The following CEBPZ variants were observed in gnomAD, a reference collection of about 807,000 sequenced individuals.
CEBPZ encodes CCAAT enhancer binding protein zeta, also known as CCAAT/enhancer-binding protein zeta.
A neutral mutation model predicts 104.5 loss-of-function variants in CEBPZ; 78 were observed. That is an observed-to-expected ratio of 0.75 (90% confidence interval 0.62 to 0.90). CEBPZ has a LOEUF of 0.90. Ranked by LOEUF, CEBPZ falls within the 40% of genes least tolerant of loss-of-function variation. CEBPZ has a pLI of 0.00. For missense variants in CEBPZ, 1,439 were observed against 1,233.5 expected, an observed-to-expected ratio of 1.17 and a Z score of -2.50; for synonymous variants, 470 against 427.0, an observed-to-expected ratio of 1.10 and a Z score of -1.24.
At chr2:37,218,128 G>A (rs554720447) in intron 5 of CEBPZ, among the ~76,000 whole-genome samples, 17 of 151,654 alleles carry the variant, frequency 1.1e-4, no homozygotes, top group East Asian at 3.9e-4. Flanking sequence ...TTAGCCAGGC[G>A]TGGCGGTGTG....
At position 37,228,322 on chromosome 2, in the gene CEBPZ, C is replaced by G. The variant is rs748237246; in HGVS notation, c.871G>C (p.Glu291Gln). 10 of 1,614,074 alleles carry G rather than the reference C, an allele frequency of 6.2e-6. No individual in the cohort carries two copies. The Admixed American group carries it at 1.0e-4, about 16-fold the overall frequency. ...GGCAAAAGGTCTGTGATAAGCAACT[C>G]TTTGAAAGTATCCAAGGCCATAAGG... ...QCLMALDTFKELLITDLLPDN... is the reference protein window; with the variant it reads ...QCLMALDTFKQLLITDLLPDN... The change falls in exon 2 of 16, where the codon GAG becomes CAG. Residue 291 changes from glutamate to glutamine, a missense_variant. Physicochemically the swap from Glu to Gln is conservative, Grantham distance 29. Transcript: ENST00000234170.
chr2:37,226,920 A>C (rs989571660), intron 2 of CEBPZ, among the ~76,000 whole-genome samples: 2 of 152,046 alleles, frequency 1.3e-5, no homozygotes, highest in African/African-American at 2.4e-5. Flanking sequence ...ACAACAACAA[A>C]AAAAACCCTG....
chr2:37,220,890 G>A (rs751985475), intron 4 of CEBPZ, among the ~76,000 whole-genome samples: 5 of 152,078 alleles, frequency 3.3e-5, no homozygotes, highest in Admixed American at 6.5e-5. Context: ...CCAGCTATTC[G>A]GGAGACTGAG....
At chr2:37,227,411 C>A (rs887277669) in intron 2 of CEBPZ, 133 bp downstream of exon 2, 5 of 676,968 alleles carry the variant, frequency 7.4e-6, no homozygotes, top group African/African-American at 1.8e-5. Context: ...TTGAAGGTGG[C>A]GAGTAGCAAG....
In CEBPZ at chr2:37,227,660, C is replaced by T. The variant is rs1664923157; in HGVS notation, c.1533G>A (p.Leu511=). ...DDKVREQIDT[L]FKVLHIVNFN... is the part of the protein sequence containing the mutation. ...AATTCACAATATGCAACACTTTAAA[C>T]AGTGTGTCAATCTGCTCCCTTACTT... The change falls in exon 2 of 16, where the codon CTG becomes CTA. Residue 511 remains leucine, a synonymous_variant. Transcript: ENST00000234170. The T allele has an allele frequency of 5.0e-6, 8 of 1,614,170 alleles. No individual in the cohort carries two copies. The highest frequency in any genetic ancestry group is 6.8e-6 in the Non-Finnish European group (8 of 1,180,020).
At chr2:37,227,238 A>T (rs1323115102) in intron 2 of CEBPZ, among the ~76,000 whole-genome samples, 1 of 152,256 alleles carries the variant, frequency 6.6e-6, no homozygotes, top group Non-Finnish European at 1.5e-5. Context: ...CAAAAGATTT[A>T]AAACAAATAT....
At chr2:37,202,132 G>C (rs1677277862) in intron 15 of CEBPZ, 1 of 294,440 alleles carries the variant, frequency 3.4e-6, no homozygotes, top group Non-Finnish European at 6.2e-6. Flanking sequence ...ATGCTCTAAA[G>C]ATTTTCTCTC....
chr2:37,230,861 T>C (rs944969981), intron 1 of CEBPZ, among the ~76,000 whole-genome samples: 1 of 152,190 alleles, frequency 6.6e-6, no homozygotes, highest in African/African-American at 2.4e-5. Flanking sequence ...GATGTGTTTG[T>C]CGATCATCTC....
intron 5 of CEBPZ, among the ~76,000 whole-genome samples, chr2:37,218,333 G>C (rs974529560): frequency 6.6e-6 from 1 of 152,112 alleles, no homozygotes; most frequent in African/African-American, 2.4e-5. Flanking sequence ...ATAGCGAGTA[G>C]TATTACTTTA....
intron 13 of CEBPZ, chr2:37,209,608 G>C (rs1677653594): frequency 6.6e-6 from 1 of 152,166 alleles, no homozygotes; most frequent in South Asian, 2.1e-4. Context: ...AATTAAACTG[G>C]ATCCTCATTT....
At chr2:37,211,577 G>C (rs1447299674) in intron 12 of CEBPZ, 2 of 361,734 alleles carry the variant, frequency 5.5e-6, no homozygotes, top group Admixed American at 8.5e-5. Context: ...CAGCATTTCA[G>C]CTCAACATGT....
intron 3 of CEBPZ, 85 bp from the exon 4 acceptor site, chr2:37,222,648 T>C (rs1664800114): frequency 1.1e-6 from 1 of 927,350 alleles, no homozygotes; most frequent in African/African-American, 1.7e-5. Context: ...ATGCAGAGTT[T>C]TACTTATTGC....
At chr2:37,212,492 T>C (rs1677754570) in intron 10 of CEBPZ, 100 bp from the exon 11 acceptor site, 5 of 1,022,600 alleles carry the variant, frequency 4.9e-6, no homozygotes, top group Non-Finnish European at 6.0e-6. Flanking sequence ...TTCTGCTGTT[T>C]ATGACAAGTG....
At chr2:37,210,765 G>GA (rs1477142452) in intron 13 of CEBPZ, 3 of 419,908 alleles carry the variant, frequency 7.1e-6, no homozygotes, top group Non-Finnish European at 1.3e-5. Flanking sequence ...AAAAACAACT[G>GA]AAATAATGAT....
At position 37,228,627 on chromosome 2, in the gene CEBPZ, C is replaced by T; in HGVS notation, c.566G>A (p.Ser189Asn). 6.2e-7 allele frequency: 1 copy of T among 1,614,110 alleles called. No homozygotes were observed. Among genetic ancestry groups the T allele is most frequent in the Non-Finnish European group, 8.5e-7 (1 of 1,180,012 alleles). The change falls in exon 2 of 16, where the codon AGC becomes AAC. Residue 189 changes from serine to asparagine, a missense_variant. Ser to Asn is a conservative substitution (Grantham distance 46). Transcript: ENST00000234170. ...CTGGGGTTTCAAAGAATATTCATTG[C>T]TGTACTCCAGATCATACCATTTGCC... The part of the protein sequence containing the change: ...PGGKWYDLEY[S>N]NEYSLKPQPQ...
At chr2:37,230,747 T>C (rs990323958) in intron 1 of CEBPZ, among the ~76,000 whole-genome samples, 2 of 152,150 alleles carry the variant, frequency 1.3e-5, no homozygotes, top group African/African-American at 4.8e-5. Context: ...GCTCATGGAA[T>C]AGGTTAGGCA....
chr2:37,218,086 T>C (rs1479290084), intron 5 of CEBPZ, among the ~76,000 whole-genome samples: 3 of 151,102 alleles, frequency 2.0e-5, no homozygotes, highest in South Asian at 4.2e-4. Flanking sequence ...GCTAACACGG[T>C]GAAACCCCGT....
rs765833535 is a variant in CEBPZ at position 37,203,021 on chromosome 2, G to C, written c.2885-13C>G. 2.0e-5 allele frequency: 30 copies of C among 1,500,718 alleles called. No homozygotes were observed. The highest frequency in any genetic ancestry group is 2.6e-5 in the Non-Finnish European group (29 of 1,112,990). The allele number at this position is 1,500,718 out of a possible 1,614,324, so 93.0% of individuals were successfully genotyped here. On this transcript the variant is annotated splice_polypyrimidine_tract_variant and intron_variant, in intron 13 of 15. Coordinates refer to ENST00000234170, the MANE Select transcript of CEBPZ (RefSeq NM_005760.3). ...TTTTTTCTTGGCCCTAAAAAAAATT[G>C]TAAGTCTACATTATTCAATTATAAA... is the stretch of plus-strand genomic sequence containing the variant.
Position 37,202,876 on chromosome 2 carries a change from A to G in CEBPZ, c.2944-11T>C. The G allele has an allele frequency of 1.3e-6, 2 of 1,597,414 alleles. No individual in the cohort carries two copies. Among genetic ancestry groups the G allele is most frequent in the Admixed American group, 1.7e-5 (1 of 57,774 alleles). On this transcript the variant is annotated splice_polypyrimidine_tract_variant and intron_variant, in intron 14 of 15. Coordinates refer to ENST00000234170, the MANE Select transcript of CEBPZ (RefSeq NM_005760.3). ...CAATAGATGGCCAAACTTTTAAACA[A>G]AAACGATAAATTTATTAGAAAACTA...
Sources: allele counts gnomAD v4.1 joint callset (sites outside exome capture counted in the v4.1 genomes callset), GRCh38; gene constraint gnomAD v4.1.1; transcripts MANE v1.5; gene names NCBI Gene and HGNC (gene_info 2026-07-23, HGNC 2026-07-21).